Variants in OLA1 observed in about 807,000 individuals in gnomAD.
OLA1 encodes Obg like ATPase 1.
In OLA1, 14 loss-of-function variants were observed where a neutral mutation model predicts 48.4. The observed-to-expected ratio is 0.29, with a 90% CI of 0.19 to 0.45. The LOEUF (loss-of-function observed/expected upper bound fraction) is 0.45. Among genes scored for constraint, OLA1 ranks in the 20% least tolerant of loss-of-function variants. The pLI is 1.00. For synonymous variants in OLA1, 127 were observed against 150.4 expected (o/e 0.84, Z 1.14); for missense variants, 325 against 467.1 (o/e 0.70, Z 2.80).
At chr2:174,086,440 G>C (rs912691642) in intron 7 of OLA1, among the ~76,000 whole-genome samples, 1 of 152,150 alleles carries the variant, frequency 6.6e-6, no homozygotes, top group Non-Finnish European at 1.5e-5. Flanking sequence ...ATCCTCAGTG[G>C]ATGCCTAAAC....
chr2:174,130,789 A>G (rs1220972760), intron 5 of OLA1, among the ~76,000 whole-genome samples: 1 of 152,180 alleles, frequency 6.6e-6, no homozygotes, highest in Non-Finnish European at 1.5e-5. Context: ...ACCTCAATGA[A>G]TTATTTGTCA....
intron 4 of OLA1, among the ~76,000 whole-genome samples, chr2:174,148,530 A>T (rs1686668723): frequency 6.6e-6 from 1 of 152,248 alleles, no homozygotes; most frequent in Non-Finnish European, 1.5e-5. Flanking sequence ...AAAATTAACC[A>T]TAATAGGCTT....
intron 2 of OLA1, among the ~76,000 whole-genome samples, chr2:174,246,012 C>T (rs1689119462): frequency 1.3e-5 from 2 of 152,120 alleles, no homozygotes; most frequent in African/African-American, 4.8e-5. Context: ...ACTTTGAAAA[C>T]ATTACAGCTG....
chr2:174,136,967 G>A (rs201375890), intron 5 of OLA1, among the ~76,000 whole-genome samples: 3 of 152,000 alleles, frequency 2.0e-5, no homozygotes, highest in South Asian at 2.1e-4. Flanking sequence ...GAGCCACCAC[G>A]CCCGGCCATG....
In OLA1 at chr2:174,223,310, C is replaced by A. The variant is rs1355992140; in HGVS notation, c.246-150G>T. 21 of 705,150 alleles carry A rather than the reference C, an allele frequency of 3.0e-5. No homozygotes were observed. The Admixed American group carries it at 4.5e-4, about 15-fold the overall frequency. 43.7% of individuals were successfully genotyped at this position (705,150 alleles called of 1,614,324 possible). The stretch of plus-strand genomic sequence containing the variant: ...ATAAATGAATATCCACCCCTCCCCC[C>A]AAAAAAAATTAGAAATGGCCTTGTA... On this transcript the variant is annotated intron_variant, in intron 3 of 10. Transcript: ENST00000284719.
chr2:174,078,324 TC>T lies in OLA1; in HGVS notation c.1089+643del, dbSNP rs1394007925. On this transcript the variant is annotated intron_variant, in intron 10 of 10. Coordinates refer to ENST00000284719, the MANE Select transcript of OLA1 (RefSeq NM_013341.5). ...TGTCTATATTAGAGATTGCTAGATTTCTCTAAGTAACATCTAATAAATCAAA... is the reference window on the plus strand; with the variant it reads ...TGTCTATATTAGAGATTGCTAGATTTTCTAAGTAACATCTAATAAATCAAA... Among the ~76,000 whole-genome samples the T allele has an allele frequency of 2.6e-5, 4 of 152,086 alleles. No homozygotes were observed. In the East Asian group the frequency reaches 7.7e-4, roughly 29 times the overall value.
chr2:174,175,007 A>G (rs1007750890), intron 4 of OLA1, among the ~76,000 whole-genome samples: 2 of 152,006 alleles, frequency 1.3e-5, no homozygotes, highest in Non-Finnish European at 2.9e-5. Context: ...TGCCAGGTTA[A>G]TTCAGTGAGA....
intron 7 of OLA1, among the ~76,000 whole-genome samples, chr2:174,090,585 C>T (rs1442729837): frequency 6.6e-6 from 1 of 152,116 alleles, no homozygotes; most frequent in Non-Finnish European, 1.5e-5. Flanking sequence ...TCCTCTGGCT[C>T]TTAAAAAGAG....
chr2:174,140,506 T>C (rs969472127), intron 5 of OLA1, among the ~76,000 whole-genome samples: 1 of 152,046 alleles, frequency 6.6e-6, no homozygotes, highest in South Asian at 2.1e-4. Flanking sequence ...TAGGTGAGAT[T>C]ACAGGCGTGC....
intron 5 of OLA1, among the ~76,000 whole-genome samples, chr2:174,125,826 T>C (rs1468797948): frequency 6.6e-6 from 1 of 152,208 alleles, no homozygotes; most frequent in Non-Finnish European, 1.5e-5. Flanking sequence ...AATTCACTTA[T>C]AATCAAAGTT....
intron 7 of OLA1, among the ~76,000 whole-genome samples, chr2:174,088,992 C>G (rs1424695773): frequency 6.6e-6 from 1 of 152,172 alleles, no homozygotes; most frequent in East Asian, 1.9e-4. Flanking sequence ...TACAGAATAA[C>G]ATAATTGCAA....
At chr2:174,217,024 A>G (rs1298093966) in intron 4 of OLA1, among the ~76,000 whole-genome samples, 1 of 152,176 alleles carries the variant, frequency 6.6e-6, no homozygotes, top group Non-Finnish European at 1.5e-5. Flanking sequence ...CCGAATTTCA[A>G]CTGTGCAAGG....
chr2:174,139,447 G>A (rs745642665), intron 5 of OLA1, among the ~76,000 whole-genome samples: 1 of 152,162 alleles, frequency 6.6e-6, no homozygotes, highest in African/African-American at 2.4e-5. Context: ...TCCTGTTCAT[G>A]GTGCTTGTTA....
chr2:174,165,443 C>T (rs932379785), intron 4 of OLA1, among the ~76,000 whole-genome samples: 4 of 152,144 alleles, frequency 2.6e-5, no homozygotes, highest in African/African-American at 9.7e-5. Context: ...TAGCTAACAA[C>T]AATCTTTTTC....
At chr2:174,099,955 AT>A (rs1685353836) in intron 7 of OLA1, among the ~76,000 whole-genome samples, 2 of 152,226 alleles carry the variant, frequency 1.3e-5, no homozygotes. Context: ...AATGAAAACA[AT>A]ATATCACTAT....
Position 174,072,830 on chromosome 2 carries a change from A to T in OLA1, c.*2596T>A, listed in dbSNP as rs1380041976. On this transcript the variant is annotated 3_prime_UTR_variant, in exon 11 of 11. Coordinates refer to ENST00000284719, the MANE Select transcript of OLA1 (RefSeq NM_013341.5). ...TAAGTGAACAGAGGCTTCACTCATA[A>T]CTAAGTTAGCGACAAAAACTATTTG... The T allele has an allele frequency of 6.6e-6, 1 of 152,252 alleles. No individual in the cohort carries two copies. Among genetic ancestry groups the T allele is most frequent in the East Asian group, 1.9e-4 (1 of 5,204 alleles). 9.4% of individuals were successfully genotyped at this position (152,252 alleles called of 1,614,324 possible).
chr2:174,137,187 C>T (rs958663482), intron 5 of OLA1, among the ~76,000 whole-genome samples: 2 of 152,190 alleles, frequency 1.3e-5, no homozygotes, highest in Non-Finnish European at 1.5e-5. Flanking sequence ...AACCTCCTAG[C>T]ACATCTCCAT....
At chr2:174,178,738 T>C (rs1441693614) in intron 4 of OLA1, among the ~76,000 whole-genome samples, 2 of 151,944 alleles carry the variant, frequency 1.3e-5, no homozygotes, top group Admixed American at 6.6e-5. Context: ...AATGAGAAGA[T>C]AGCAAAATTA....
intron 4 of OLA1, among the ~76,000 whole-genome samples, chr2:174,144,138 A>C (rs1471501929): frequency 6.6e-6 from 1 of 152,102 alleles, no homozygotes; most frequent in African/African-American, 2.4e-5. Context: ...ACCTACCAAA[A>C]AAAACCAAAT....
Sources: gnomAD v4.1 joint callset for allele counts (sites outside exome capture counted in the v4.1 genomes callset) on GRCh38, gnomAD v4.1.1 for gene constraint, MANE v1.5 for transcripts, NCBI Gene and HGNC (gene_info 2026-07-23, HGNC 2026-07-21) for gene names.